RBFOX1: variants seen among roughly 807,000 people sequenced by gnomAD.
The protein encoded by RBFOX1 is RNA binding protein fox-1 homolog 1.
RBFOX1 carries 8 observed loss-of-function variants against 57.7 expected under a neutral mutation model. The observed-to-expected ratio is 0.14, with a 90% CI of 0.08 to 0.25. The LOEUF (loss-of-function observed/expected upper bound fraction) is 0.25. Ranked by LOEUF, RBFOX1 falls within the 10% of genes least tolerant of loss-of-function variation. RBFOX1 has a pLI of 1.00. For synonymous variants in RBFOX1, 326 were observed against 222.4 expected, an observed-to-expected ratio of 1.47 and a Z score of -4.15; for missense variants, 611 against 548.5, an observed-to-expected ratio of 1.11 and a Z score of -1.14.
At chr16:5,599,358 T>C in exon 3 of RBFOX1, 1 of 606,616 alleles carries the variant, frequency 1.6e-6, no homozygotes, top group Non-Finnish European at 2.9e-6. Context: ...AGGACAGGAA[T>C]GCTTACTGAG....
intron 4 of RBFOX1, among the ~76,000 whole-genome samples, chr16:7,177,493 A>T (rs2152498745): frequency 6.6e-6 from 1 of 152,138 alleles, no homozygotes; most frequent in South Asian, 2.1e-4. Context: ...ATCAATAAAA[A>T]AAAAAAAGAA....
intron 3 of RBFOX1, among the ~76,000 whole-genome samples, chr16:6,728,749 C>G (rs1164402844): frequency 6.6e-6 from 1 of 152,118 alleles, no homozygotes; most frequent in Non-Finnish European, 1.5e-5. Context: ...CACGGTGTCT[C>G]CTTACCTTCT....
intron 4 of RBFOX1, among the ~76,000 whole-genome samples, chr16:5,889,098 T>G (rs1401713376): frequency 1.3e-5 from 2 of 152,208 alleles, no homozygotes; most frequent in African/African-American, 4.8e-5. Flanking sequence ...CTTATTTTTC[T>G]TCAACTTTTA....
At chr16:5,290,129 C>T in intron 1 of RBFOX1, among the ~76,000 whole-genome samples, 1 of 152,144 alleles carries the variant, frequency 6.6e-6, no homozygotes, top group Non-Finnish European at 1.5e-5. Flanking sequence ...CACAAAAGGT[C>T]ACATAAGATT....
intron 3 of RBFOX1, among the ~76,000 whole-genome samples, chr16:6,752,849 C>G (rs947963267): frequency 6.7e-6 from 1 of 149,006 alleles, no homozygotes; most frequent in Non-Finnish European, 1.5e-5. Flanking sequence ...TCTGTGTTCT[C>G]TGTCAGCCTC....
At chr16:7,686,516 C>G (rs550038829) in intron 14 of RBFOX1, among the ~76,000 whole-genome samples, 1 of 152,042 alleles carries the variant, frequency 6.6e-6, no homozygotes, top group African/African-American at 2.4e-5. Flanking sequence ...AACCAATTGC[C>G]TGCCCTCTTC....
intron 2 of RBFOX1, among the ~76,000 whole-genome samples, chr16:6,370,526 C>T (rs1389406403): frequency 6.6e-6 from 1 of 152,096 alleles, no homozygotes; most frequent in Non-Finnish European, 1.5e-5. Context: ...AAAATTCTGA[C>T]ACGTGCTACA....
chr16:6,927,557 C>T (rs9939074), intron 3 of RBFOX1, among the ~76,000 whole-genome samples: 2 of 150,344 alleles, frequency 1.3e-5, no homozygotes, highest in Non-Finnish European at 3.0e-5. Context: ...TTTTGTTTTT[C>T]GTTTTTGCAT....
At chr16:6,780,849 G>T (rs2080893678) in intron 3 of RBFOX1, among the ~76,000 whole-genome samples, 1 of 151,764 alleles carries the variant, frequency 6.6e-6, no homozygotes, top group Admixed American at 6.6e-5. Context: ...TTGGGTTGGG[G>T]TTTTGTACCA....
chr16:6,479,845 C>T (rs912045330), intron 2 of RBFOX1, among the ~76,000 whole-genome samples: 11 of 151,458 alleles, frequency 7.3e-5, no homozygotes, highest in Admixed American at 6.6e-4. Flanking sequence ...AGGTCAGGAG[C>T]TTGAGACCAG....
chr16:5,571,769 G>T (rs1184731243), intron 2 of RBFOX1, among the ~76,000 whole-genome samples: 1 of 152,212 alleles, frequency 6.6e-6, no homozygotes, highest in Non-Finnish European at 1.5e-5. Context: ...GGAGCTAGAA[G>T]CTCAGGGTCC....
intron 4 of RBFOX1, among the ~76,000 whole-genome samples, chr16:7,078,979 A>C: frequency 7.2e-6 from 1 of 138,132 alleles, no homozygotes; most frequent in East Asian, 2.3e-4. Context: ...ACAAGACCCT[A>C]TTTTCAAATG....
At chr16:5,989,588 G>C (rs1001533427) in intron 4 of RBFOX1, among the ~76,000 whole-genome samples, 2 of 152,090 alleles carry the variant, frequency 1.3e-5, no homozygotes, top group African/African-American at 4.8e-5. Flanking sequence ...TAGAATGGGT[G>C]CTGGCGATGT....
intron 4 of RBFOX1, among the ~76,000 whole-genome samples, chr16:5,909,232 A>G (rs2058553492): frequency 1.3e-5 from 2 of 151,246 alleles, no homozygotes; most frequent in Non-Finnish European, 2.9e-5. Flanking sequence ...AGCTGGGACT[A>G]CAGGCACCCA....
intron 4 of RBFOX1, among the ~76,000 whole-genome samples, chr16:7,430,348 T>A (rs2098666816): frequency 6.6e-6 from 1 of 152,108 alleles, no homozygotes; most frequent in African/African-American, 2.4e-5. Context: ...TGAAACAACT[T>A]CCTTCTTTGA....
chr16:7,003,289 G>C (rs1057151757), intron 3 of RBFOX1, among the ~76,000 whole-genome samples: 9 of 151,822 alleles, frequency 5.9e-5, no homozygotes, highest in African/African-American at 1.9e-4. Context: ...TGAAACCCCC[G>C]TCTCTACTAA....
chr16:7,488,738 T>C (rs2066112101), intron 4 of RBFOX1, among the ~76,000 whole-genome samples: 1 of 152,004 alleles, frequency 6.6e-6, no homozygotes, highest in African/African-American at 2.4e-5. Context: ...ATTATCCACC[T>C]ATCTACTATC....
intron 2 of RBFOX1, among the ~76,000 whole-genome samples, chr16:5,568,024 C>T (rs1596306352): frequency 1.3e-5 from 2 of 152,206 alleles, no homozygotes; most frequent in Admixed American, 1.3e-4. Flanking sequence ...GCTCTATAGC[C>T]TGACACCAGT....
At chr16:5,501,162 A>C (rs1403901000) in intron 2 of RBFOX1, among the ~76,000 whole-genome samples, 4 of 151,832 alleles carry the variant, frequency 2.6e-5, no homozygotes, top group Non-Finnish European at 5.9e-5. Flanking sequence ...CTGAAAATAC[A>C]AAAAAATTAT....
Sources: gnomAD v4.1 joint callset for allele counts (sites outside exome capture counted in the v4.1 genomes callset) on GRCh38, gnomAD v4.1.1 for gene constraint, MANE v1.5 for transcripts, NCBI Gene and HGNC (gene_info 2026-07-23, HGNC 2026-07-21) for gene names.